The following CAPRIN1 variants were observed in gnomAD, a reference collection of about 807,000 sequenced individuals.
CAPRIN1 encodes caprin-1.
In CAPRIN1, 29 loss-of-function variants were observed where a neutral mutation model predicts 100.9. That is an observed-to-expected ratio of 0.29 (90% CI 0.21 to 0.39). The LOEUF (loss-of-function observed/expected upper bound fraction) is 0.39. CAPRIN1 is among the 10% of genes least tolerant of loss of function. The pLI, the probability that CAPRIN1 is intolerant of heterozygous loss-of-function variation, is 1.00. For synonymous variants in CAPRIN1, 338 were observed against 307.5 expected (o/e 1.10, Z -1.04); for missense variants, 795 against 876.7 (o/e 0.91, Z 1.18).
intron 4 of CAPRIN1, among the ~76,000 whole-genome samples, chr11:34,072,224 T>C (rs1291332897): frequency 6.6e-6 from 1 of 151,936 alleles, no homozygotes; most frequent in Non-Finnish European, 1.5e-5. Flanking sequence ...CTCAATAGGT[T>C]GAGGCCAAGA....
At chr11:34,094,397 T>C (rs16925160) in intron 15 of CAPRIN1, among the ~76,000 whole-genome samples, 15,546 of 152,226 alleles carry the variant, frequency 0.1, 862 homozygotes, top group African/African-American at 0.15. Context: ...TCCCATCATT[T>C]TAGAAATTTT....
chr11:34,071,654 T>A (rs1182876596), intron 2 of CAPRIN1, 72 bp from the exon 3 acceptor site: 3 of 1,023,052 alleles, frequency 2.9e-6, no homozygotes, highest in Non-Finnish European at 4.5e-6. Context: ...ATTGTGAGGG[T>A]TTTGTCAAGC....
chr11:34,071,798 TTA>T lies in CAPRIN1; in HGVS notation c.279+14_279+15del. On this transcript the variant is annotated intron_variant, in intron 3 of 18. Coordinates refer to ENST00000341394, the MANE Select transcript of CAPRIN1 (RefSeq NM_005898.5). The stretch of plus-strand genomic sequence containing the variant: ...TAATCAAGATCAGCTGGTAAAGATG[TTA>T]TATTTTTTATTTTAGACCTAATGCT... The T allele has an allele frequency of 6.9e-7, 1 of 1,454,092 alleles. No homozygotes were observed. The allele number at this position is 1,454,092 out of a possible 1,614,324, so 90.1% of individuals were successfully genotyped here. A position where few individuals can be genotyped will look rare whatever the true frequency, so the allele number is the denominator to read the frequency against.
intron 18 of CAPRIN1, chr11:34,099,071 CT>C: frequency 7.1e-7 from 1 of 1,400,428 alleles, no homozygotes; most frequent in Non-Finnish European, 9.3e-7. Flanking sequence ...TGAATGAGTA[CT>C]GGTGGAATAC....
chr11:34,078,327 G>A (rs1294662443), intron 6 of CAPRIN1, among the ~76,000 whole-genome samples: 1 of 152,122 alleles, frequency 6.6e-6, no homozygotes, highest in East Asian at 1.9e-4. Flanking sequence ...TCTTCACAGT[G>A]ACCTATCGGG....
intron 7 of CAPRIN1, among the ~76,000 whole-genome samples, chr11:34,081,659 C>T (rs1851032155): frequency 6.6e-6 from 1 of 151,886 alleles, no homozygotes; most frequent in South Asian, 2.1e-4. Flanking sequence ...ACACCTGACT[C>T]AGTTTTTTTT....
intron 2 of CAPRIN1, among the ~76,000 whole-genome samples, chr11:34,071,157 A>G (rs527503731): frequency 5.9e-5 from 9 of 152,244 alleles, no homozygotes; most frequent in Non-Finnish European, 1.3e-4. Context: ...CCATATGCCT[A>G]GTCCATCTAA....
Position 34,052,398 on chromosome 11 carries a change from TTCTC to T in CAPRIN1, c.1-18_1-15del, listed in dbSNP as rs1281424369. The T allele has an allele frequency of 1.3e-6, 2 of 1,596,640 alleles. No homozygotes were observed. The highest frequency in any genetic ancestry group is 2.2e-5 in the East Asian group (1 of 44,510). ...CTCTTGTCCTTCCTCCCGCTTTTTC[TTCTC>T]TCTCCTTGCGGTCTGAAGATGCCCT... is the stretch of plus-strand genomic sequence containing the variant. On this transcript the variant is annotated intron_variant, in intron 1 of 18. Transcript: ENST00000341394.
chr11:34,093,713 C>T (rs1231265076), intron 15 of CAPRIN1, among the ~76,000 whole-genome samples: 1 of 152,130 alleles, frequency 6.6e-6, no homozygotes, highest in Non-Finnish European at 1.5e-5. Context: ...CCATGGCTCA[C>T]TGTAACCTCT....
intron 15 of CAPRIN1, among the ~76,000 whole-genome samples, chr11:34,095,418 C>CTAAG (rs1851351698): frequency 6.6e-6 from 1 of 152,192 alleles, no homozygotes. Flanking sequence ...AGTTGGTTTA[C>CTAAG]TAAGTAATTC....
intron 4 of CAPRIN1, among the ~76,000 whole-genome samples, chr11:34,072,386 T>C (rs984552954): frequency 6.6e-6 from 1 of 152,004 alleles, no homozygotes; most frequent in Non-Finnish European, 1.5e-5. Context: ...GACAACCATG[T>C]ATAGTAGCTA....
rs773685097 is a variant in CAPRIN1 at position 34,086,298 on chromosome 11, C to T, written c.1123-7C>T. 9 of 1,608,334 alleles carry T rather than the reference C, an allele frequency of 5.6e-6. No individual in the cohort carries two copies. In the South Asian group the frequency reaches 9.9e-5, roughly 18 times the overall value. ...TTGACTTTATTCTATCCTAACTTAACCTGTAGGATTCAATGCTGGATTTTG... is the reference window on the plus strand; with the variant it reads ...TTGACTTTATTCTATCCTAACTTAATCTGTAGGATTCAATGCTGGATTTTG... On this transcript the variant is annotated splice_polypyrimidine_tract_variant and splice_region_variant and intron_variant, in intron 10 of 18. Coordinates refer to ENST00000341394, the MANE Select transcript of CAPRIN1 (RefSeq NM_005898.5).
intron 6 of CAPRIN1, 47 bp from the exon 7 acceptor site, chr11:34,079,581 G>C (rs1850970447): frequency 2.0e-6 from 3 of 1,521,860 alleles, no homozygotes; most frequent in Non-Finnish European, 2.7e-6. Context: ...TTCAAGCCAG[G>C]CATCCTCAGA....
chr11:34,072,141 C>T (rs1850814437), intron 4 of CAPRIN1, among the ~76,000 whole-genome samples, 154 bp downstream of exon 4: 1 of 151,914 alleles, frequency 6.6e-6, no homozygotes. Flanking sequence ...TAAAATGTAA[C>T]ACCTGAAAGA....
Position 34,096,490 on chromosome 11 carries a change from T to TA in CAPRIN1, c.1718dup (p.Tyr573Ter). 1 of 1,613,746 alleles carries TA rather than the reference T, an allele frequency of 6.2e-7. No homozygotes were observed. The highest frequency in any genetic ancestry group is 8.5e-7 in the Non-Finnish European group (1 of 1,179,730). ...TTTTTAAATTATAGTGGTTGGCACT[T>TA]ACCATGGTTCCCCAGACCAGTCCCA... The part of the protein sequence containing the change: ...QEQLQTVVGT[Y>*]HGSPDQSHQV... Residue 573 changes from tyrosine to a stop codon, truncating the protein, a stop_gained and frameshift_variant, in exon 16 of 19, where the codon TAC (tyrosine) becomes TAAC (stop). Coordinates refer to ENST00000341394, the MANE Select transcript of CAPRIN1 (RefSeq NM_005898.5). LOFTEE classifies it high-confidence loss of function.
In CAPRIN1 at chr11:34,099,925, A is replaced by G. The variant is rs1363835550; in HGVS notation, c.*558A>G. ...CCTAATCACACATATAAGGCTGGCT[A>G]CCAGCTTTGACACAGCACTGTTCAT... On this transcript the variant is annotated 3_prime_UTR_variant, in exon 19 of 19. Coordinates refer to ENST00000341394, the MANE Select transcript of CAPRIN1 (RefSeq NM_005898.5). The G allele has an allele frequency of 6.5e-6, 1 of 153,274 alleles. No homozygotes were observed. The highest frequency in any genetic ancestry group is 1.9e-4 in the East Asian group (1 of 5,214). The allele number at this position is 153,274 out of a possible 1,614,324, so 9.5% of individuals were successfully genotyped here.
chr11:34,054,581 C>T (rs530450248), intron 2 of CAPRIN1, among the ~76,000 whole-genome samples: 1 of 152,254 alleles, frequency 6.6e-6, no homozygotes, highest in African/African-American at 2.4e-5. Context: ...GTGCCTGCCA[C>T]CACGCCCAGC....
intron 13 of CAPRIN1, 116 bp from the exon 14 acceptor site, chr11:34,090,413 G>C: frequency 7.5e-7 from 1 of 1,325,958 alleles, no homozygotes; most frequent in Middle Eastern, 1.8e-4. Flanking sequence ...TGAAATATTT[G>C]AGTTTGTTAA....
intron 2 of CAPRIN1, among the ~76,000 whole-genome samples, chr11:34,066,185 G>A (rs982572137): frequency 9.9e-5 from 15 of 152,018 alleles, no homozygotes. Flanking sequence ...CATGTTGCCT[G>A]GGCTGGTCTT....
Sources: allele counts gnomAD v4.1 joint callset (sites outside exome capture counted in the v4.1 genomes callset), GRCh38; gene constraint gnomAD v4.1.1; transcripts MANE v1.5; gene names NCBI Gene and HGNC (gene_info 2026-07-23, HGNC 2026-07-21).